The following RNF2 variants were observed in gnomAD, a reference collection of about 807,000 sequenced individuals.
The protein encoded by RNF2 is ring finger protein 2, also known as E3 ubiquitin-protein ligase RING2.
In RNF2, 6 loss-of-function variants were observed where a neutral mutation model predicts 37.2. The ratio of observed to expected loss-of-function variants is 0.16; its 90% CI spans 0.09 to 0.32. The LOEUF (loss-of-function observed/expected upper bound fraction) is 0.32, where lower values mean the gene tolerates loss of function less well. RNF2 is among the 10% of genes least tolerant of loss of function. The pLI, the probability that RNF2 is intolerant of heterozygous loss-of-function variation, is 1.00. For synonymous variants in RNF2, 133 were observed against 132.7 expected (o/e 1.00, Z -0.02); for missense variants, 251 against 404.0 (o/e 0.62, Z 3.25).
At position 185,101,829 on chromosome 1, in the gene RNF2, AG is replaced by A. The variant is rs1305136263; in HGVS notation, c.*1531del. On this transcript the variant is annotated 3_prime_UTR_variant, in exon 7 of 7. Transcript: ENST00000367510. ...GAAAATATTTAAAATCTGTTTTTAC[AG>A]GGTTTTTTTTTTTTTTTTTTTTTTG... 22 of 105,412 alleles carry A rather than the reference AG, an allele frequency of 2.1e-4. No individual in the cohort carries two copies. In the South Asian group the frequency reaches 4.1e-3, roughly 19 times the overall value. 6.5% of individuals were successfully genotyped at this position (105,412 alleles called of 1,614,324 possible).
chr1:185,081,396 T>A (rs1252371080), intron 1 of RNF2, among the ~76,000 whole-genome samples: 2 of 37,846 alleles, frequency 5.3e-5, no homozygotes, highest in Non-Finnish European at 8.9e-5. Context: ...ATTCCATCAA[T>A]TTTTTTTTTT....
At chr1:185,077,653 C>A (rs1571312752) in intron 1 of RNF2, among the ~76,000 whole-genome samples, 1 of 114,840 alleles carries the variant, frequency 8.7e-6, no homozygotes. Context: ...AGAAATTTAG[C>A]TATATTATTG....
intron 1 of RNF2, among the ~76,000 whole-genome samples, chr1:185,085,662 T>C (rs550818651): frequency 1.1e-4 from 17 of 151,848 alleles, no homozygotes; most frequent in Non-Finnish European, 2.2e-4. Context: ...TTTAAAACTT[T>C]TTTTTTTTTG....
At chr1:185,066,564 T>C (rs1482766785) in intron 1 of RNF2, among the ~76,000 whole-genome samples, 1 of 152,240 alleles carries the variant, frequency 6.6e-6, no homozygotes, top group Non-Finnish European at 1.5e-5. Flanking sequence ...TGTTCAAGGA[T>C]TGTCTGCCTC....
At chr1:185,071,909 T>C (rs530183668) in intron 1 of RNF2, 7 of 152,498 alleles carry the variant, frequency 4.6e-5, no homozygotes, top group African/African-American at 1.7e-4. Context: ...CACTTTCTCA[T>C]TATATTTTCT....
intron 1 of RNF2, among the ~76,000 whole-genome samples, chr1:185,070,882 C>T (rs983186373): frequency 1.3e-5 from 2 of 152,010 alleles, no homozygotes; most frequent in Non-Finnish European, 2.9e-5. Flanking sequence ...GTGATCCGCC[C>T]GCCTCGGCCT....
intron 1 of RNF2, among the ~76,000 whole-genome samples, chr1:185,070,700 G>A (rs1359032454): frequency 6.8e-6 from 1 of 148,116 alleles, no homozygotes; most frequent in East Asian, 2.0e-4. Flanking sequence ...GTGCAGTGGC[G>A]CGATCTCAGC....
At chr1:185,078,341 A>G (rs1651237164) in intron 1 of RNF2, among the ~76,000 whole-genome samples, 1 of 152,150 alleles carries the variant, frequency 6.6e-6, no homozygotes, top group Admixed American at 6.5e-5. Flanking sequence ...GATTCTTATG[A>G]AGATTACCAT....
In RNF2 at chr1:185,064,481, A is replaced by G. The variant is rs185311295; in HGVS notation, c.-3+18832A>G. 2.4e-4 allele frequency among the ~76,000 whole-genome samples: 37 copies of G among 152,342 alleles called. No individual in the cohort carries two copies. The East Asian group carries it at 6.6e-3, about 27-fold the overall frequency. On this transcript the variant is annotated intron_variant, in intron 1 of 6. Coordinates refer to ENST00000367510, the MANE Select transcript of RNF2 (RefSeq NM_007212.4). ...AACTTTACAGTGGTACAAAAGCAAT[A>G]TGCATTCAGCATGCTCCTTGACTTG...
At chr1:185,080,062 C>G (rs920775544) in intron 1 of RNF2, among the ~76,000 whole-genome samples, 2 of 152,232 alleles carry the variant, frequency 1.3e-5, no homozygotes, top group African/African-American at 4.8e-5. Context: ...GGAGCACATT[C>G]TTGTCACTGG....
At chr1:185,075,539 G>C (rs957815947) in intron 1 of RNF2, among the ~76,000 whole-genome samples, 1 of 152,136 alleles carries the variant, frequency 6.6e-6, no homozygotes, top group Admixed American at 6.5e-5. Context: ...GAGAAAAGAG[G>C]TTTAGTTGGC....
chr1:185,074,217 C>T (rs1651076734), intron 1 of RNF2, among the ~76,000 whole-genome samples: 1 of 152,176 alleles, frequency 6.6e-6, no homozygotes, highest in African/African-American at 2.4e-5. Flanking sequence ...CCTTCTGGCA[C>T]CCTGACCTTC....
chr1:185,090,482 T>C (rs945434572), intron 2 of RNF2, among the ~76,000 whole-genome samples: 2 of 152,230 alleles, frequency 1.3e-5, no homozygotes, highest in Admixed American at 1.3e-4. Context: ...TGAAAATTTT[T>C]TATTTCATAT....
intron 1 of RNF2, among the ~76,000 whole-genome samples, chr1:185,075,103 T>A (rs1651106492): frequency 6.6e-6 from 1 of 152,148 alleles, no homozygotes; most frequent in South Asian, 2.1e-4. Flanking sequence ...CAAGCCATTC[T>A]CCTGCCTTAG....
chr1:185,057,808 A>G lies in RNF2; in HGVS notation c.-3+12159A>G, dbSNP rs1270520414. On this transcript the variant is annotated intron_variant, in intron 1 of 6. Coordinates refer to ENST00000367510, the MANE Select transcript of RNF2 (RefSeq NM_007212.4). Reference sequence around the variant, plus strand: ...GGTGGAAAATTACTCTAAAGGGGAAAAAAAAAAAAAACAGTAAAACAGTTC... The same window carrying G: ...GGTGGAAAATTACTCTAAAGGGGAAGAAAAAAAAAAACAGTAAAACAGTTC... Among the ~76,000 whole-genome samples the G allele has an allele frequency of 3.3e-5, 5 of 149,826 alleles. No homozygotes were observed. The East Asian group carries it at 1.1e-3, about 34-fold the overall frequency.
At chr1:185,082,345 C>CTGTTTTTTTTTTTTTTTTTTTTTTT (rs1651443262) in intron 1 of RNF2, among the ~76,000 whole-genome samples, 1 of 72,000 alleles carries the variant, frequency 1.4e-5, no homozygotes, top group Non-Finnish European at 2.9e-5. Flanking sequence ...CTCTGCAGAA[C>CTGTTTTTTTTTTTTTTTTTTTTTTT]TTTTTTTTTT....
chr1:185,068,288 CT>C (rs1172105717), intron 1 of RNF2, among the ~76,000 whole-genome samples: 9 of 152,132 alleles, frequency 5.9e-5, no homozygotes, highest in Admixed American at 5.9e-4. Context: ...GTGTGGTAGG[CT>C]GAAAAATGTC....
chr1:185,060,542 G>C (rs1650567415), intron 1 of RNF2, among the ~76,000 whole-genome samples: 1 of 152,210 alleles, frequency 6.6e-6, no homozygotes. Flanking sequence ...AGGGCACTCG[G>C]AGAATTAAAG....
chr1:185,084,897 T>A (rs1274491163), intron 1 of RNF2, among the ~76,000 whole-genome samples: 5 of 152,164 alleles, frequency 3.3e-5, no homozygotes, highest in Admixed American at 2.6e-4. Context: ...ACTCTGTGAT[T>A]ACCAGTCTGT....
Sources: gnomAD v4.1 joint callset for allele counts (sites outside exome capture counted in the v4.1 genomes callset) on GRCh38, gnomAD v4.1.1 for gene constraint, MANE v1.5 for transcripts, NCBI Gene and HGNC (gene_info 2026-07-23, HGNC 2026-07-21) for gene names.